Variants in RAB38 observed in about 807,000 individuals in gnomAD.
RAB38 encodes the protein ras-related protein Rab-38.
In RAB38, 15 loss-of-function variants were observed where a neutral mutation model predicts 18.4. That is an observed-to-expected ratio of 0.82 (90% CI 0.55 to 1.26). The LOEUF (loss-of-function observed/expected upper bound fraction) is 1.26, where lower values mean the gene tolerates loss of function less well. Ranked by LOEUF, RAB38 falls within the 50% of genes most tolerant of loss-of-function variation. RAB38 has a pLI of 0.00. For missense variants in RAB38, 294 were observed against 267.4 expected, an observed-to-expected ratio of 1.10 and a Z score of -0.69; for synonymous variants, 101 against 104.4, an observed-to-expected ratio of 0.97 and a Z score of 0.20.
chr11:87,949,002 G>C, the RAB38 span, among the ~76,000 whole-genome samples: 4 of 152,102 alleles, frequency 2.6e-5, no homozygotes, highest in South Asian at 4.2e-4. Context: ...GAATTCGGCT[G>C]TGAATCCATC....
chr11:88,047,050 G>A, the RAB38 span, among the ~76,000 whole-genome samples: 1 of 152,186 alleles, frequency 6.6e-6, no homozygotes, highest in African/African-American at 2.4e-5. Flanking sequence ...TGCAGCCGCT[G>A]CCGCCCTAAT....
At chr11:87,808,318 A>G in the RAB38 span, among the ~76,000 whole-genome samples, 1 of 152,218 alleles carries the variant, frequency 6.6e-6, no homozygotes, top group Non-Finnish European at 1.5e-5. Context: ...AGTGTCCACT[A>G]ACAGATGAAA....
At chr11:88,107,802 G>T in the RAB38 span, among the ~76,000 whole-genome samples, 3 of 152,134 alleles carry the variant, frequency 2.0e-5, no homozygotes, top group Admixed American at 6.5e-5. Flanking sequence ...ATGTCCCAGA[G>T]ATTCTGGTCT....
intron 1 of RAB38, among the ~76,000 whole-genome samples, chr11:88,155,575 T>G (rs948728572): frequency 6.6e-5 from 10 of 151,938 alleles, no homozygotes; most frequent in African/African-American, 2.4e-4. Context: ...AAATTAGAAG[T>G]GCCAAAATTT....
At chr11:88,028,832 C>A in the RAB38 span, among the ~76,000 whole-genome samples, 1 of 152,124 alleles carries the variant, frequency 6.6e-6, no homozygotes, top group African/African-American at 2.4e-5. Context: ...AGAACTTCCC[C>A]AATCTAGCAA....
the RAB38 span, among the ~76,000 whole-genome samples, chr11:88,062,903 T>C: frequency 2.2e-4 from 34 of 152,368 alleles, no homozygotes; most frequent in Middle Eastern, 3.4e-3. Context: ...TTAAATTTAT[T>C]TAACTTCATG....
the RAB38 span, among the ~76,000 whole-genome samples, chr11:87,926,135 A>C: frequency 6.6e-6 from 1 of 151,692 alleles, no homozygotes. Context: ...GATAATGAGC[A>C]GAGAGGTCCG....
chr11:87,803,840 A>G, the RAB38 span, among the ~76,000 whole-genome samples: 10 of 152,344 alleles, frequency 6.6e-5, no homozygotes, highest in South Asian at 2.1e-3. Flanking sequence ...ATTTGTCCCA[A>G]GCAAGTTCAA....
At chr11:88,049,744 A>G in the RAB38 span, among the ~76,000 whole-genome samples, 1 of 152,226 alleles carries the variant, frequency 6.6e-6, no homozygotes, top group Admixed American at 6.5e-5. Context: ...TTGCTCACAT[A>G]AAGCCTGTTT....
downstream of RAB38, among the ~76,000 whole-genome samples, chr11:88,110,728 A>C (rs1413798526): frequency 1.3e-5 from 2 of 151,844 alleles, no homozygotes; most frequent in African/African-American, 4.8e-5. Context: ...GAGACAGAAG[A>C]ATCACTTGAA....
chr11:87,869,857 G>A, the RAB38 span, among the ~76,000 whole-genome samples: 1 of 151,604 alleles, frequency 6.6e-6, no homozygotes, highest in Non-Finnish European at 1.5e-5. Flanking sequence ...ATTCACAAAA[G>A]GGTATGCCTG....
At chr11:88,003,849 TATA>T in the RAB38 span, among the ~76,000 whole-genome samples, 2 of 13,516 alleles carry the variant, frequency 1.5e-4, no homozygotes, top group Non-Finnish European at 3.2e-4. Flanking sequence ...TATTTATATA[TATA>T]ATTATATAAA....
At chr11:88,065,802 G>T in the RAB38 span, among the ~76,000 whole-genome samples, 1 of 152,148 alleles carries the variant, frequency 6.6e-6, no homozygotes, top group Non-Finnish European at 1.5e-5. Flanking sequence ...TGCACAAGAA[G>T]GCATTTCTCA....
chr11:87,858,676 C>G, the RAB38 span, among the ~76,000 whole-genome samples: 4,545 of 151,724 alleles, frequency 0.03, 145 homozygotes, highest in African/African-American at 0.079. Context: ...TTTGGGAAGA[C>G]GCATAGAATT....
At chr11:88,035,080 T>C in the RAB38 span, among the ~76,000 whole-genome samples, 4 of 152,220 alleles carry the variant, frequency 2.6e-5, no homozygotes, top group African/African-American at 7.2e-5. Flanking sequence ...TGATTAACAA[T>C]GTTGAGGACA....
the RAB38 span, among the ~76,000 whole-genome samples, chr11:88,014,248 T>A: frequency 9.9e-5 from 15 of 152,110 alleles, no homozygotes; most frequent in African/African-American, 3.6e-4. Context: ...GGAAACAGGG[T>A]CAGGGAGTTG....
the RAB38 span, among the ~76,000 whole-genome samples, chr11:88,006,149 C>T: frequency 2.2e-5 from 3 of 138,986 alleles, no homozygotes; most frequent in African/African-American, 7.9e-5. Context: ...AGAAGACATA[C>T]AGATGACCAA....
At chr11:88,133,570 G>A (rs1030510947) in intron 2 of RAB38, among the ~76,000 whole-genome samples, 1 of 152,076 alleles carries the variant, frequency 6.6e-6, no homozygotes, top group Non-Finnish European at 1.5e-5. Flanking sequence ...AGACCTCCCA[G>A]TGACTTAAAA....
chr11:88,173,685 T>C (rs1364049245), intron 1 of RAB38: 9 of 984,208 alleles, frequency 9.1e-6, no homozygotes, highest in Non-Finnish European at 7.2e-6. Flanking sequence ...TCAGACATTA[T>C]GACATGCAGC....
Sources: allele counts gnomAD v4.1 joint callset (sites outside exome capture counted in the v4.1 genomes callset), GRCh38; gene constraint gnomAD v4.1.1; transcripts MANE v1.5; gene names NCBI Gene and HGNC (gene_info 2026-07-23, HGNC 2026-07-21).